NEK1: variants seen among roughly 807,000 people sequenced by gnomAD.
NEK1 encodes the protein serine/threonine-protein kinase Nek1.
NEK1 carries 137 observed loss-of-function variants against 182.1 expected under a neutral mutation model. That is an observed-to-expected ratio of 0.75 (90% CI 0.65 to 0.87). The LOEUF is 0.87. Ranked by LOEUF, NEK1 falls within the 40% of genes least tolerant of loss-of-function variation. The pLI is 0.00. For synonymous variants in NEK1, 513 were observed against 492.2 expected, an observed-to-expected ratio of 1.04 and a Z score of -0.56; for missense variants, 1,391 against 1,494.4, an observed-to-expected ratio of 0.93 and a Z score of 1.14.
At chr4:169,507,172 G>T in intron 22 of NEK1, 40 bp from the exon 23 acceptor site, 118 of 934,120 alleles carry the variant, frequency 1.3e-4, no homozygotes, top group Non-Finnish European at 1.7e-4. Flanking sequence ...TTACCAGAAA[G>T]AAGGGCAGAG....
intron 19 of NEK1, among the ~76,000 whole-genome samples, chr4:169,513,900 C>T (rs1372399704): frequency 1.3e-5 from 2 of 151,960 alleles, no homozygotes; most frequent in African/African-American, 4.8e-5. Context: ...AATACTTGTA[C>T]ATCTAGACTA....
intron 23 of NEK1, among the ~76,000 whole-genome samples, chr4:169,505,110 T>C (rs943540602): frequency 6.6e-5 from 10 of 152,120 alleles, no homozygotes; most frequent in Non-Finnish European, 1.5e-4. Flanking sequence ...ATTGGGCAGA[T>C]CCAGGTTCAA....
At chr4:169,471,241 TTCC>T (rs1413943575) in intron 26 of NEK1, among the ~76,000 whole-genome samples, 37 of 152,352 alleles carry the variant, frequency 2.4e-4, no homozygotes, top group Non-Finnish European at 7.3e-5. Flanking sequence ...GCGTTGGTTT[TTCC>T]TCATCTTCGT....
chr4:169,592,231 T>C (rs1187957016), intron 5 of NEK1, among the ~76,000 whole-genome samples: 1 of 152,168 alleles, frequency 6.6e-6, no homozygotes, highest in Non-Finnish European at 1.5e-5. Context: ...TTCAAATTTA[T>C]CCTACAAATA....
intron 31 of NEK1, among the ~76,000 whole-genome samples, chr4:169,417,777 C>T (rs1426347797): frequency 1.3e-5 from 2 of 152,050 alleles, no homozygotes; most frequent in African/African-American, 4.8e-5. Flanking sequence ...AGATATTAAA[C>T]AATAAGCAGC....
intron 9 of NEK1, among the ~76,000 whole-genome samples, chr4:169,585,975 G>C (rs1426470380): frequency 6.6e-6 from 1 of 151,930 alleles, no homozygotes; most frequent in Non-Finnish European, 1.5e-5. Context: ...AAAAGTATTG[G>C]GGGAAAATAT....
chr4:169,588,517 A>G, intron 8 of NEK1, 132 bp downstream of exon 8: 1 of 489,048 alleles, frequency 2.0e-6, no homozygotes, highest in Admixed American at 3.7e-5. Context: ...ATATATTAGC[A>G]ACATTTTATA....
Position 169,515,636 on chromosome 4 carries a change from A to G in NEK1, c.1666-6784T>C, listed in dbSNP as rs1755088833. On this transcript the variant is annotated intron_variant, in intron 19 of 35. Coordinates refer to ENST00000507142, the MANE Select transcript of NEK1 (RefSeq NM_001199397.3). ...CATCTAGCATTAGGTATATCTCCCA[A>G]TGCTATCCCTCCCCCCTCCCCCGAC... 2.8e-5 allele frequency among the ~76,000 whole-genome samples: 3 copies of G among 105,748 alleles called. No homozygotes were observed. The Admixed American group carries it at 3.0e-4, about 11-fold the overall frequency. The allele number at this position is 105,748 out of a possible 152,430, so 69.4% of individuals were successfully genotyped here.
At chr4:169,447,597 T>C (rs1228305128) in intron 27 of NEK1, among the ~76,000 whole-genome samples, 1 of 152,034 alleles carries the variant, frequency 6.6e-6, no homozygotes, top group Non-Finnish European at 1.5e-5. Context: ...AAAATAAAAA[T>C]TATTCACGCC....
intron 27 of NEK1, among the ~76,000 whole-genome samples, chr4:169,448,823 C>G (rs1468890147): frequency 6.6e-6 from 1 of 152,196 alleles, no homozygotes; most frequent in Non-Finnish European, 1.5e-5. Context: ...GGGTGCAGCC[C>G]ACGGAGGGTG....
At chr4:169,543,289 T>C (rs11931954) in intron 18 of NEK1, among the ~76,000 whole-genome samples, 14,749 of 152,240 alleles carry the variant, frequency 0.097, 793 homozygotes, top group East Asian at 0.17. Context: ...AAAGAGCAGA[T>C]GGTTGTAGAT....
chr4:169,418,494 T>C (rs1734912111), intron 31 of NEK1, among the ~76,000 whole-genome samples: 1 of 152,162 alleles, frequency 6.6e-6, no homozygotes, highest in Non-Finnish European at 1.5e-5. Context: ...CACATAAGGA[T>C]ATTAAGCCAG....
At chr4:169,576,091 AG>A (rs1299210406) in intron 12 of NEK1, among the ~76,000 whole-genome samples, 4 of 151,738 alleles carry the variant, frequency 2.6e-5, no homozygotes, top group African/African-American at 9.7e-5. Flanking sequence ...CAGACTCCTG[AG>A]TAGCTGGGAC....
chr4:169,482,034 CACTT>C (rs1460516148), intron 23 of NEK1, among the ~76,000 whole-genome samples: 3 of 152,226 alleles, frequency 2.0e-5, no homozygotes, highest in African/African-American at 7.2e-5. Flanking sequence ...TCTCCATCAG[CACTT>C]ACTGCTTTAC....
intron 6 of NEK1, among the ~76,000 whole-genome samples, chr4:169,589,770 T>C (rs1236316707): frequency 2.0e-5 from 3 of 152,042 alleles, no homozygotes; most frequent in Admixed American, 6.6e-5. Context: ...CTTCATGCCA[T>C]TGGGCTAGGG....
intron 5 of NEK1, among the ~76,000 whole-genome samples, chr4:169,592,407 C>A (rs895494395): frequency 6.6e-6 from 1 of 152,100 alleles, no homozygotes; most frequent in Non-Finnish European, 1.5e-5. Context: ...TGAAGCACTT[C>A]TATGTATACT....
chr4:169,559,005 G>A (rs1009731322), intron 16 of NEK1, among the ~76,000 whole-genome samples: 2 of 152,040 alleles, frequency 1.3e-5, no homozygotes, highest in Admixed American at 6.5e-5. Flanking sequence ...ATTCAATGAG[G>A]AATAAATATA....
intron 11 of NEK1, among the ~76,000 whole-genome samples, chr4:169,580,579 C>T (rs1766472377): frequency 6.7e-6 from 1 of 149,936 alleles, no homozygotes; most frequent in South Asian, 2.1e-4. Flanking sequence ...TAACAACGTT[C>T]TCAAAATATC....
rs1014260913 is a variant in NEK1, at chr4:169,573,755, T to C, written c.1020+3173A>G. On this transcript the variant is annotated intron_variant, in intron 12 of 35. Coordinates refer to ENST00000507142, the MANE Select transcript of NEK1 (RefSeq NM_001199397.3). ...TGGTGATCAGGGAACGGGATGATTA[T>C]AAATGAGGCTAAGAAAGAGTTGTTA... Among the ~76,000 whole-genome samples the C allele has an allele frequency of 2.4e-4, 36 of 152,206 alleles. 1 individual carries two copies. The highest frequency in any genetic ancestry group is 3.1e-4 in the Non-Finnish European group (21 of 68,036).
Sources: gnomAD v4.1 joint callset for allele counts (sites outside exome capture counted in the v4.1 genomes callset) on GRCh38, gnomAD v4.1.1 for gene constraint, MANE v1.5 for transcripts, NCBI Gene and HGNC (gene_info 2026-07-23, HGNC 2026-07-21) for gene names.